Variants in GRM7 observed in about 807,000 individuals in gnomAD.
The protein encoded by GRM7 is metabotropic glutamate receptor 7.
Under a neutral mutation model 84.5 loss-of-function variants are expected in GRM7, and 35 were observed. That is an observed-to-expected ratio of 0.41 (90% CI 0.32 to 0.55). GRM7 has a LOEUF of 0.55. Ranked by LOEUF, GRM7 falls within the 20% of genes least tolerant of loss-of-function variation. The probability of loss-of-function intolerance (pLI) is 0.19; values close to 1 mark genes in which losing one functional copy is unlikely to be tolerated. For missense variants in GRM7, 1,003 were observed against 1,194.6 expected, an observed-to-expected ratio of 0.84 and a Z score of 2.36; for synonymous variants, 487 against 455.1, an observed-to-expected ratio of 1.07 and a Z score of -0.89.
chr3:7,201,901 AG>A (rs968394129), intron 2 of GRM7, among the ~76,000 whole-genome samples: 2 of 152,228 alleles, frequency 1.3e-5, no homozygotes, highest in African/African-American at 4.8e-5. Flanking sequence ...TAATGAATAA[AG>A]GGAATGTTTC....
chr3:6,988,949 AAAAT>A (rs949942646), intron 1 of GRM7, among the ~76,000 whole-genome samples: 27 of 152,222 alleles, frequency 1.8e-4, no homozygotes, highest in Non-Finnish European at 3.5e-4. Context: ...TATTGTCAAA[AAAAT>A]AAATAAATAA....
chr3:7,101,998 A>G (rs1036677639), intron 1 of GRM7, among the ~76,000 whole-genome samples: 10 of 151,530 alleles, frequency 6.6e-5, no homozygotes, highest in African/African-American at 1.9e-4. Flanking sequence ...CCTTTGTGAT[A>G]TTGTTGTCAC....
intron 4 of GRM7, among the ~76,000 whole-genome samples, chr3:7,392,086 A>C (rs1049602247): frequency 3.2e-4 from 49 of 152,148 alleles, no homozygotes; most frequent in Admixed American, 1.6e-3. Flanking sequence ...AGACTGTGCT[A>C]TCCCCTCCTT....
chr3:7,610,521 C>G (rs1422015285), intron 8 of GRM7, among the ~76,000 whole-genome samples: 1 of 152,064 alleles, frequency 6.6e-6, no homozygotes, highest in Non-Finnish European at 1.5e-5. Context: ...GTAGCTATGG[C>G]CCTGAAATCA....
At chr3:7,140,518 G>T (rs997280544) in intron 1 of GRM7, among the ~76,000 whole-genome samples, 27 of 151,962 alleles carry the variant, frequency 1.8e-4, no homozygotes, top group Admixed American at 3.9e-4. Flanking sequence ...CTTCAAAGTG[G>T]TTCTTGATCT....
At chr3:7,693,456 G>A (rs1262832431) in intron 9 of GRM7, among the ~76,000 whole-genome samples, 1 of 152,068 alleles carries the variant, frequency 6.6e-6, no homozygotes, top group East Asian at 1.9e-4. Context: ...ATCAGTCTGA[G>A]CTGAAAATTT....
intron 1 of GRM7, among the ~76,000 whole-genome samples, chr3:6,935,573 A>G (rs1384758674): frequency 1.3e-5 from 2 of 151,860 alleles, no homozygotes. Flanking sequence ...AGCCTTTTAC[A>G]TAGTATTTCC....
chr3:7,135,830 T>G (rs1428798887), intron 1 of GRM7, among the ~76,000 whole-genome samples: 1 of 152,142 alleles, frequency 6.6e-6, no homozygotes, highest in Non-Finnish European at 1.5e-5. Flanking sequence ...ATAATTTCCT[T>G]TATGTAAATA....
chr3:7,340,512 G>A (rs545275302), intron 4 of GRM7, among the ~76,000 whole-genome samples: 1 of 152,176 alleles, frequency 6.6e-6, no homozygotes, highest in South Asian at 2.1e-4. Context: ...AATGGCTCTT[G>A]TGATCCAGTC....
chr3:7,466,664 A>C (rs1698471121), intron 7 of GRM7, among the ~76,000 whole-genome samples: 2 of 152,216 alleles, frequency 1.3e-5, no homozygotes, highest in South Asian at 2.1e-4. Flanking sequence ...TTTAGAAAGG[A>C]ACTATTCTTA....
chr3:7,683,939 A>G, intron 9 of GRM7, among the ~76,000 whole-genome samples: 1 of 135,502 alleles, frequency 7.4e-6, no homozygotes, highest in South Asian at 2.4e-4. Context: ...CAAAGTCAAA[A>G]CTCAAAGAAA....
At chr3:7,038,476 C>T (rs751677644) in intron 1 of GRM7, among the ~76,000 whole-genome samples, 4 of 152,174 alleles carry the variant, frequency 2.6e-5, no homozygotes, top group Non-Finnish European at 5.9e-5. Flanking sequence ...AGTTCATTGA[C>T]TTAGCGGCTG....
In GRM7 at chr3:6,958,124, G is replaced by A. The variant is rs910467473; in HGVS notation, c.519+96217G>A. 1.8e-4 allele frequency among the ~76,000 whole-genome samples: 28 copies of A among 151,500 alleles called. 1 individual carries two copies. Among genetic ancestry groups the A allele is most frequent in the Non-Finnish European group, 4.4e-5 (3 of 67,918 alleles). On this transcript the variant is annotated intron_variant, in intron 1 of 9. Transcript: ENST00000357716. ...ATATATATACCCACTAGCCATCATC[G>A]TAATCAAAACATCAAATTTACCACC...
At chr3:7,103,841 C>CCTCTCTCTCTCTCTCTGTCT (rs1448002551) in intron 1 of GRM7, among the ~76,000 whole-genome samples, 2 of 69,914 alleles carry the variant, frequency 2.9e-5, no homozygotes, top group African/African-American at 2.2e-4. Context: ...TCTCTCTCTC[C>CCTCTCTCTCTCTCTCTGTCT]CTCTCTCTCT....
intron 8 of GRM7, among the ~76,000 whole-genome samples, chr3:7,675,095 T>G (rs1700074451): frequency 6.6e-6 from 1 of 152,250 alleles, no homozygotes; most frequent in Admixed American, 6.5e-5. Flanking sequence ...TCATTAGTAT[T>G]CATATATTGT....
intron 7 of GRM7, among the ~76,000 whole-genome samples, chr3:7,550,567 C>CTGTGTGTG (rs1346206686): frequency 1.6e-4 from 16 of 101,962 alleles, no homozygotes; most frequent in African/African-American, 5.0e-4. Context: ...CTCTCTCTCT[C>CTGTGTGTG]TCTCTCTCTC....
chr3:7,399,719 C>A (rs575616692), intron 4 of GRM7, among the ~76,000 whole-genome samples: 48 of 152,276 alleles, frequency 3.2e-4, no homozygotes, highest in African/African-American at 1.1e-3. Flanking sequence ...AGAATTCTCA[C>A]AAGAGCTGAG....
At chr3:6,971,966 AAAT>A (rs1214074033) in intron 1 of GRM7, among the ~76,000 whole-genome samples, 12 of 152,290 alleles carry the variant, frequency 7.9e-5, no homozygotes, top group South Asian at 6.2e-4. Context: ...AGCATTTTAG[AAAT>A]AATAATAGCA....
intron 1 of GRM7, among the ~76,000 whole-genome samples, chr3:6,941,344 T>G (rs1397547164): frequency 6.6e-6 from 1 of 152,212 alleles, no homozygotes; most frequent in Non-Finnish European, 1.5e-5. Flanking sequence ...GAACCTGAAG[T>G]CTTTGGGAGC....
Sources: gnomAD v4.1 joint callset for allele counts (sites outside exome capture counted in the v4.1 genomes callset) on GRCh38, gnomAD v4.1.1 for gene constraint, MANE v1.5 for transcripts, NCBI Gene and HGNC (gene_info 2026-07-23, HGNC 2026-07-21) for gene names.